Variants in FNDC3B observed in about 807,000 individuals in gnomAD.
The protein encoded by FNDC3B is fibronectin type III domain-containing protein 3B.
In FNDC3B, 12 loss-of-function variants were observed where a neutral mutation model predicts 151.5. The observed-to-expected ratio is 0.08, with a 90% CI of 0.05 to 0.13. The LOEUF is 0.13. Among genes scored for constraint, FNDC3B ranks in the 10% least tolerant of loss-of-function variants. The pLI is 1.00. For synonymous variants in FNDC3B, 528 were observed against 549.0 expected, an observed-to-expected ratio of 0.96 and a Z score of 0.54; for missense variants, 1,214 against 1,505.3, an observed-to-expected ratio of 0.81 and a Z score of 3.20.
chr3:172,095,256 C>T (rs926125791), intron 1 of FNDC3B, among the ~76,000 whole-genome samples: 7 of 152,098 alleles, frequency 4.6e-5, no homozygotes, highest in Non-Finnish European at 8.8e-5. Flanking sequence ...ATTTTGAAGC[C>T]TCTGATCTAC....
chr3:172,389,639 G>A (rs1735902951), intron 25 of FNDC3B, among the ~76,000 whole-genome samples: 1 of 152,132 alleles, frequency 6.6e-6, no homozygotes, highest in South Asian at 2.1e-4. Flanking sequence ...CCTGAGGCGG[G>A]TGGATCACAA....
intron 4 of FNDC3B, among the ~76,000 whole-genome samples, chr3:172,230,503 CA>C (rs35745761): frequency 0.19 from 21,444 of 111,422 alleles, 1,578 homozygotes; most frequent in East Asian, 0.35. Context: ...GACTCTGTCT[CA>C]AAAAAAAAAA....
At chr3:172,325,552 TA>T (rs1377401197) in intron 11 of FNDC3B, among the ~76,000 whole-genome samples, 4 of 152,248 alleles carry the variant, frequency 2.6e-5, no homozygotes, top group African/African-American at 9.6e-5. Flanking sequence ...ATGTTTTGTT[TA>T]TAAATGCTAT....
chr3:172,270,866 A>C (rs1276210808), intron 6 of FNDC3B, among the ~76,000 whole-genome samples: 1 of 152,262 alleles, frequency 6.6e-6, no homozygotes, highest in Non-Finnish European at 1.5e-5. Flanking sequence ...ATTCCATTGC[A>C]GTTGGAAAGA....
intron 25 of FNDC3B, among the ~76,000 whole-genome samples, chr3:172,392,235 G>C (rs919321092): frequency 6.6e-6 from 1 of 152,190 alleles, no homozygotes; most frequent in African/African-American, 2.4e-5. Context: ...AGTTGCTCCA[G>C]CCTAGCTATT....
At chr3:172,211,387 A>T (rs745890215) in intron 3 of FNDC3B, among the ~76,000 whole-genome samples, 1 of 152,082 alleles carries the variant, frequency 6.6e-6, no homozygotes, top group Non-Finnish European at 1.5e-5. Flanking sequence ...GGTTGACTGG[A>T]CTTATTTCTG....
At chr3:172,187,613 C>T (rs1222432121) in intron 3 of FNDC3B, among the ~76,000 whole-genome samples, 1 of 152,218 alleles carries the variant, frequency 6.6e-6, no homozygotes, top group African/African-American at 2.4e-5. Flanking sequence ...AGCCCAAAAA[C>T]ATATTGCAGA....
chr3:172,167,579 A>G (rs944533488), intron 3 of FNDC3B, among the ~76,000 whole-genome samples: 1 of 152,202 alleles, frequency 6.6e-6, no homozygotes, highest in African/African-American at 2.4e-5. Flanking sequence ...TGCTTTCCAC[A>G]GCCTATGAGC....
intron 16 of FNDC3B, among the ~76,000 whole-genome samples, chr3:172,339,056 A>T (rs553860741): frequency 2.0e-5 from 3 of 152,096 alleles, no homozygotes; most frequent in Non-Finnish European, 2.9e-5. Context: ...ATTTTTTTTT[A>T]AATGGCACAT....
chr3:172,365,116 G>A (rs1734549470), intron 23 of FNDC3B, among the ~76,000 whole-genome samples: 1 of 152,072 alleles, frequency 6.6e-6, no homozygotes, highest in African/African-American at 2.4e-5. Context: ...TTGGCACATG[G>A]GTATCAAGGA....
chr3:172,115,348 A>G (rs1355203950), intron 2 of FNDC3B, among the ~76,000 whole-genome samples: 2 of 152,166 alleles, frequency 1.3e-5, no homozygotes, highest in African/African-American at 4.8e-5. Flanking sequence ...GATGTAGGGA[A>G]AGGGGAGAGA....
intron 6 of FNDC3B, among the ~76,000 whole-genome samples, chr3:172,252,611 A>G (rs1728144004): frequency 1.3e-5 from 2 of 151,984 alleles, no homozygotes; most frequent in Admixed American, 6.5e-5. Context: ...TTGAGTGTCT[A>G]TGGAAGAGCT....
intron 23 of FNDC3B, among the ~76,000 whole-genome samples, chr3:172,366,297 G>A (rs1368863499): frequency 6.6e-6 from 1 of 152,114 alleles, no homozygotes; most frequent in Non-Finnish European, 1.5e-5. Context: ...TATTTTTATT[G>A]TTGTTGTTTT....
At chr3:172,057,378 C>T (rs759689679) in intron 1 of FNDC3B, among the ~76,000 whole-genome samples, 5 of 152,256 alleles carry the variant, frequency 3.3e-5, no homozygotes, top group South Asian at 2.1e-4. Flanking sequence ...CCACCTTTGC[C>T]GTTCATTGTT....
chr3:172,110,566 G>C (rs1472224802), intron 1 of FNDC3B, among the ~76,000 whole-genome samples: 1 of 151,886 alleles, frequency 6.6e-6, no homozygotes, highest in Non-Finnish European at 1.5e-5. Flanking sequence ...GGATAAGAGA[G>C]AAGAGGTTCT....
intron 2 of FNDC3B, among the ~76,000 whole-genome samples, chr3:172,123,073 C>G (rs1415580608): frequency 1.3e-5 from 2 of 152,216 alleles, no homozygotes; most frequent in African/African-American, 2.4e-5. Flanking sequence ...GAGACTCACT[C>G]TGTTCCCCAG....
chr3:172,206,659 C>CAAAAA (rs57377409), intron 3 of FNDC3B, among the ~76,000 whole-genome samples: 14 of 54,512 alleles, frequency 2.6e-4, no homozygotes, highest in African/African-American at 1.0e-3. Flanking sequence ...AACTCCATCT[C>CAAAAA]AAAAAAAAAA....
At chr3:172,342,911 G>A (rs1733408321) in intron 17 of FNDC3B, 100 bp from the exon 18 acceptor site, 4 of 701,472 alleles carry the variant, frequency 5.7e-6, no homozygotes, top group South Asian at 1.6e-5. Flanking sequence ...ACCCCTTTTC[G>A]GTAACATTTG....
At chr3:172,367,594 T>G (rs1734696181) in intron 23 of FNDC3B, among the ~76,000 whole-genome samples, 1 of 152,230 alleles carries the variant, frequency 6.6e-6, no homozygotes. Context: ...GATCAGCTTG[T>G]GCATTTTAAG....
Sources: allele counts gnomAD v4.1 joint callset (sites outside exome capture counted in the v4.1 genomes callset), GRCh38; gene constraint gnomAD v4.1.1; transcripts MANE v1.5; gene names NCBI Gene and HGNC (gene_info 2026-07-23, HGNC 2026-07-21).